FCHSD2: variants seen among roughly 807,000 people sequenced by gnomAD.
FCHSD2 encodes FCH and double SH3 domains 2, also known as F-BAR and double SH3 domains protein 2.
FCHSD2 carries 38 observed loss-of-function variants against 108.1 expected under a neutral mutation model. The ratio of observed to expected loss-of-function variants is 0.35; its 90% CI spans 0.27 to 0.46. The LOEUF (loss-of-function observed/expected upper bound fraction) is 0.46. Among genes scored for constraint, FCHSD2 ranks in the 20% least tolerant of loss-of-function variants. The probability of loss-of-function intolerance (pLI) is 1.00; values close to 1 mark genes in which losing one functional copy is unlikely to be tolerated. For synonymous variants in FCHSD2, 279 were observed against 314.7 expected, an observed-to-expected ratio of 0.89 and a Z score of 1.20; for missense variants, 751 against 897.8, an observed-to-expected ratio of 0.84 and a Z score of 2.09.
chr11:73,015,244 G>C (rs1294016029), intron 4 of FCHSD2, among the ~76,000 whole-genome samples: 1 of 152,098 alleles, frequency 6.6e-6, no homozygotes, highest in Non-Finnish European at 1.5e-5. Flanking sequence ...ATTACAATTC[G>C]TATGTGGGAT....
At chr11:72,843,400 A>G (rs372841337) in intron 15 of FCHSD2, 49 bp downstream of exon 15, 50 of 1,607,940 alleles carry the variant, frequency 3.1e-5, no homozygotes, top group Non-Finnish European at 4.0e-5. Context: ...GACCAAAACA[A>G]ACTCCTAAAA....
chr11:72,838,956 T>A (rs1019796486), intron 19 of FCHSD2, 82 bp from the exon 20 acceptor site: 43 of 1,314,892 alleles, frequency 3.3e-5, no homozygotes, highest in Non-Finnish European at 4.3e-5. Flanking sequence ...ATCACTCATC[T>A]GTCCAAGGAC....
rs553939494 is a variant in FCHSD2, at chr11:73,019,329, T to C, written c.166-3444A>G. Among the ~76,000 whole-genome samples, 12 of 152,302 alleles carry C rather than the reference T, an allele frequency of 7.9e-5. No individual in the cohort carries two copies. The East Asian group carries it at 9.6e-4, about 12-fold the overall frequency. ...AGGCTTTGTTATCACCACAGAGAAA[T>C]TGGACATTAAAAGCATAAATACTTT... On this transcript the variant is annotated intron_variant, in intron 3 of 19. Coordinates refer to ENST00000409418, the MANE Select transcript of FCHSD2 (RefSeq NM_014824.3).
At chr11:73,037,217 C>T (rs893598214) in intron 3 of FCHSD2, among the ~76,000 whole-genome samples, 1 of 152,134 alleles carries the variant, frequency 6.6e-6, no homozygotes, top group African/African-American at 2.4e-5. Flanking sequence ...CATGCATAGC[C>T]TCCCCATTAA....
intron 13 of FCHSD2, among the ~76,000 whole-genome samples, chr11:72,858,607 G>C (rs1408125896): frequency 6.6e-6 from 1 of 152,156 alleles, no homozygotes; most frequent in Non-Finnish European, 1.5e-5. Flanking sequence ...AGACACTGGG[G>C]CCTTTCGGAG....
chr11:72,963,921 G>A (rs564113323), intron 8 of FCHSD2, among the ~76,000 whole-genome samples: 87 of 152,296 alleles, frequency 5.7e-4, no homozygotes, highest in Admixed American at 1.2e-3. Flanking sequence ...TCTGTGTCAT[G>A]AATAGATTTC....
At chr11:72,961,526 G>A (rs1309484365) in intron 8 of FCHSD2, among the ~76,000 whole-genome samples, 1 of 152,118 alleles carries the variant, frequency 6.6e-6, no homozygotes, top group Admixed American at 6.6e-5. Flanking sequence ...AAAGTGCTAT[G>A]ATTACAGGCG....
chr11:73,067,239 C>T (rs921481477), intron 3 of FCHSD2, among the ~76,000 whole-genome samples: 2 of 151,976 alleles, frequency 1.3e-5, no homozygotes, highest in African/African-American at 4.8e-5. Flanking sequence ...CAACAGAAAA[C>T]GAAACACTGC....
chr11:72,897,464 TA>T (rs1483207991), intron 10 of FCHSD2, among the ~76,000 whole-genome samples: 1 of 152,180 alleles, frequency 6.6e-6, no homozygotes, highest in Non-Finnish European at 1.5e-5. Context: ...AGTGATGATT[TA>T]CAATATATGA....
intron 10 of FCHSD2, chr11:72,900,245 C>T (rs1317292395): frequency 6.9e-7 from 1 of 1,455,020 alleles, no homozygotes; most frequent in Non-Finnish European, 9.4e-7. Flanking sequence ...CCTTGACCCA[C>T]ACCCCATATA....
chr11:73,066,445 C>T (rs759012445), intron 3 of FCHSD2, among the ~76,000 whole-genome samples: 1 of 152,124 alleles, frequency 6.6e-6, no homozygotes, highest in African/African-American at 2.4e-5. Context: ...TGGGCAAAGA[C>T]TTCATGTCTA....
intron 5 of FCHSD2, among the ~76,000 whole-genome samples, chr11:72,997,515 G>T (rs150917575): frequency 1.3e-3 from 203 of 152,142 alleles, no homozygotes; most frequent in Admixed American, 2.5e-3. Flanking sequence ...AAGAAAAACC[G>T]CAGGCGGTTA....
intron 13 of FCHSD2, among the ~76,000 whole-genome samples, chr11:72,852,055 G>C (rs1345858457): frequency 6.6e-6 from 1 of 151,326 alleles, no homozygotes; most frequent in Non-Finnish European, 1.5e-5. Context: ...TTTTGTTTTT[G>C]GTGTTTTTTT....
intron 2 of FCHSD2, among the ~76,000 whole-genome samples, chr11:73,103,129 T>C (rs1052084205): frequency 6.6e-6 from 1 of 152,280 alleles, no homozygotes; most frequent in South Asian, 2.1e-4. Context: ...AGAAACCTTT[T>C]TAGGATGATG....
intron 12 of FCHSD2, among the ~76,000 whole-genome samples, chr11:72,880,068 A>AAAAC (rs10664954): frequency 1 from 146,195 of 146,748 alleles, 72,823 homozygotes; most frequent in Middle Eastern, 1. Context: ...AAACAAGACA[A>AAAAC]AAACAAACAA....
intron 8 of FCHSD2, among the ~76,000 whole-genome samples, chr11:72,938,715 G>A (rs1462486937): frequency 6.6e-6 from 1 of 152,038 alleles, no homozygotes; most frequent in East Asian, 1.9e-4. Flanking sequence ...CAGTAGAGAG[G>A]AACCTGTCTT....
chr11:72,840,979 A>C lies in FCHSD2; in HGVS notation c.2057-20T>G, dbSNP rs763589419. 12 of 1,589,940 alleles carry C rather than the reference A, an allele frequency of 7.5e-6. No homozygotes were observed. In the East Asian group the frequency reaches 8.9e-5, roughly 12 times the overall value. On this transcript the variant is annotated intron_variant, in intron 18 of 19. Coordinates refer to ENST00000409418, the MANE Select transcript of FCHSD2 (RefSeq NM_014824.3). The stretch of plus-strand genomic sequence containing the variant: ...TTTTTTCTAAGGGAGAAAACCAAAG[A>C]AGCTCATTTTACTTGAGTTGTTGAG...
intron 3 of FCHSD2, among the ~76,000 whole-genome samples, chr11:73,029,345 G>T (rs138389902): frequency 6.6e-6 from 1 of 152,118 alleles, no homozygotes; most frequent in African/African-American, 2.4e-5. Flanking sequence ...CGGCAAGATC[G>T]GTTTGATGCA....
intron 5 of FCHSD2, among the ~76,000 whole-genome samples, chr11:72,994,545 T>G (rs1233687968): frequency 6.6e-6 from 1 of 152,166 alleles, no homozygotes; most frequent in African/African-American, 2.4e-5. Context: ...ACCCTAGTTC[T>G]GTGATGACCA....
Sources: allele counts gnomAD v4.1 joint callset (sites outside exome capture counted in the v4.1 genomes callset), GRCh38; gene constraint gnomAD v4.1.1; transcripts MANE v1.5; gene names NCBI Gene and HGNC (gene_info 2026-07-23, HGNC 2026-07-21).